The following MAP4K4 variants were observed in gnomAD, a reference collection of about 807,000 sequenced individuals.
MAP4K4 encodes the protein HPK/GCK-like kinase HGK.
MAP4K4 carries 38 observed loss-of-function variants against 189.6 expected under a neutral mutation model. That is an observed-to-expected ratio of 0.20 (90% CI 0.15 to 0.26). The LOEUF is 0.26. Among genes scored for constraint, MAP4K4 ranks in the 10% least tolerant of loss-of-function variants. MAP4K4 has a pLI of 1.00. For synonymous variants in MAP4K4, 610 were observed against 624.3 expected, an observed-to-expected ratio of 0.98 and a Z score of 0.34; for missense variants, 1,054 against 1,726.9, an observed-to-expected ratio of 0.61 and a Z score of 6.91.
chr2:101,717,662 G>A lies in MAP4K4; in HGVS notation c.123+19124G>A, dbSNP rs558122897. On this transcript the variant is annotated intron_variant, in intron 2 of 32. Transcript: ENST00000324219. ...CTGTCTGTGGTGTGCCATCTGCAGT[G>A]CGCAAGCCATTTGTTTCTGGAAACA... 2.4e-3 allele frequency among the ~76,000 whole-genome samples: 365 copies of A among 152,298 alleles called. 3 individuals are homozygous for A. Among genetic ancestry groups the A allele is most frequent in the African/African-American group, 8.6e-3 (359 of 41,550 alleles).
intron 2 of MAP4K4, among the ~76,000 whole-genome samples, chr2:101,737,441 ATATATATATATATATATATATTTTTT>A (rs1483890597): frequency 2.1e-4 from 7 of 32,632 alleles, no homozygotes; most frequent in South Asian, 2.9e-3. Flanking sequence ...ATATATATAT[ATATATATATATATATATATATTTTTT>A]TTTTTTTTTT....
rs770581204 is a variant in MAP4K4 at position 101,887,970 on chromosome 2, G to A, written c.3931+33G>A. The A allele has an allele frequency of 4.5e-6, 7 of 1,547,502 alleles. No homozygotes were observed. In the South Asian group the frequency reaches 8.9e-5, roughly 20 times the overall value. On this transcript the variant is annotated intron_variant, in intron 31 of 32. Transcript: ENST00000324219. The stretch of plus-strand genomic sequence containing the variant: ...GAACTTGGGGAAAGGCAGCATTTGT[G>A]AAAATGGAGCCGTGTCTGAGACTCC...
At chr2:101,875,742 T>C (rs185590213) in intron 26 of MAP4K4, among the ~76,000 whole-genome samples, 35 of 152,332 alleles carry the variant, frequency 2.3e-4, no homozygotes, top group Admixed American at 2.0e-3. Flanking sequence ...CAAAGGTGAT[T>C]CTGACAGTGA....
At chr2:101,892,968 A>G (rs1433901796) in exon 33 of MAP4K4, 3 of 456,300 alleles carry the variant, frequency 6.6e-6, no homozygotes, top group Non-Finnish European at 4.4e-6. Flanking sequence ...AGTCATCAAA[A>G]GAAACTTGCT....
At chr2:101,880,659 CCACCATG>C (rs942862849) in intron 27 of MAP4K4, among the ~76,000 whole-genome samples, 14 of 152,048 alleles carry the variant, frequency 9.2e-5, no homozygotes, top group Non-Finnish European at 2.1e-4. Flanking sequence ...TAGGCATGTG[CCACCATG>C]CCTGGCTGAT....
At chr2:101,712,787 C>T (rs1483766856) in intron 2 of MAP4K4, among the ~76,000 whole-genome samples, 3 of 151,994 alleles carry the variant, frequency 2.0e-5, no homozygotes, top group South Asian at 4.2e-4. Flanking sequence ...TGAGCCACTG[C>T]GCCAGGCCGA....
At chr2:101,890,894 G>A (rs1380527510) in intron 32 of MAP4K4, among the ~76,000 whole-genome samples, 2 of 152,086 alleles carry the variant, frequency 1.3e-5, no homozygotes, top group South Asian at 2.1e-4. Context: ...CTGAGTAGCT[G>A]GGATTACAGG....
intron 2 of MAP4K4, among the ~76,000 whole-genome samples, chr2:101,764,201 C>T (rs957919960): frequency 5.3e-5 from 8 of 152,034 alleles, no homozygotes; most frequent in Non-Finnish European, 8.8e-5. Flanking sequence ...GGTCTAGCTT[C>T]CTTTTATAAA....
At chr2:101,773,114 C>T (rs2082268674) in intron 2 of MAP4K4, among the ~76,000 whole-genome samples, 1 of 152,158 alleles carries the variant, frequency 6.6e-6, no homozygotes, top group African/African-American at 2.4e-5. Flanking sequence ...TCTCCTTGGA[C>T]CTAATGGACC....
intron 2 of MAP4K4, among the ~76,000 whole-genome samples, chr2:101,718,573 G>T (rs1176084387): frequency 7.3e-5 from 9 of 123,824 alleles, no homozygotes; most frequent in African/African-American, 2.7e-4. Context: ...GTGGGGGTGG[G>T]GGGGTGGGGG....
chr2:101,873,289 T>C (rs937929355), intron 24 of MAP4K4, among the ~76,000 whole-genome samples: 1 of 152,252 alleles, frequency 6.6e-6, no homozygotes, highest in African/African-American at 2.4e-5. Context: ...AGTTGGTGAA[T>C]TGAGATCAAG....
intron 2 of MAP4K4, among the ~76,000 whole-genome samples, chr2:101,710,725 A>G (rs536671166): frequency 1.3e-5 from 2 of 152,348 alleles, no homozygotes; most frequent in African/African-American, 4.8e-5. Context: ...GGTGGTATGC[A>G]CAGTGAAGCT....
At chr2:101,887,361 A>G in intron 30 of MAP4K4, 124 bp downstream of exon 30, 1 of 938,318 alleles carries the variant, frequency 1.1e-6, no homozygotes, top group South Asian at 1.9e-5. Context: ...GGGGGTGAGT[A>G]TTTAAATGAT....
At chr2:101,807,805 A>G (rs1436074432) in intron 3 of MAP4K4, among the ~76,000 whole-genome samples, 1 of 152,144 alleles carries the variant, frequency 6.6e-6, no homozygotes, top group Admixed American at 6.5e-5. Flanking sequence ...GGAACCAGGG[A>G]AGGAGCGCTC....
intron 2 of MAP4K4, among the ~76,000 whole-genome samples, chr2:101,750,377 G>T: frequency 7.1e-6 from 1 of 141,460 alleles, no homozygotes; most frequent in African/African-American, 2.7e-5. Flanking sequence ...GGATGAAATT[G>T]GAAATCATCA....
chr2:101,709,501 CT>C (rs2044235924), intron 2 of MAP4K4, among the ~76,000 whole-genome samples: 1 of 152,224 alleles, frequency 6.6e-6, no homozygotes, highest in Admixed American at 6.5e-5. Flanking sequence ...CTGTGCCTGG[CT>C]TTAAGTCATT....
chr2:101,776,733 G>A (rs2084380637), intron 2 of MAP4K4, among the ~76,000 whole-genome samples: 1 of 152,038 alleles, frequency 6.6e-6, no homozygotes, highest in Non-Finnish European at 1.5e-5. Flanking sequence ...TTAATCAGAT[G>A]CCAGGGTAAT....
chr2:101,881,258 T>C (rs2098381824), intron 27 of MAP4K4, among the ~76,000 whole-genome samples: 1 of 152,256 alleles, frequency 6.6e-6, no homozygotes, highest in Admixed American at 6.5e-5. Context: ...GTAGTCTTAA[T>C]TTCAAATTCT....
chr2:101,805,248 G>C (rs2094815811), intron 3 of MAP4K4, among the ~76,000 whole-genome samples: 1 of 151,998 alleles, frequency 6.6e-6, no homozygotes, highest in Non-Finnish European at 1.5e-5. Context: ...CCCCAGGAGT[G>C]CCCTGATATG....
Sources: gnomAD v4.1 joint callset for allele counts (sites outside exome capture counted in the v4.1 genomes callset) on GRCh38, gnomAD v4.1.1 for gene constraint, MANE v1.5 for transcripts, NCBI Gene and HGNC (gene_info 2026-07-23, HGNC 2026-07-21) for gene names.